LRRC7: variants seen among roughly 807,000 people sequenced by gnomAD.
The protein encoded by LRRC7 is leucine rich repeat containing 7.
In LRRC7, 23 loss-of-function variants were observed where a neutral mutation model predicts 175.7. The ratio of observed to expected loss-of-function variants is 0.13; its 90% CI spans 0.09 to 0.19. LRRC7 has a LOEUF of 0.19. LRRC7 is among the 10% of genes least tolerant of loss of function. LRRC7 has a pLI of 1.00. For synonymous variants in LRRC7, 685 were observed against 680.9 expected (o/e 1.01, Z -0.09); for missense variants, 1,354 against 1,904.7 (o/e 0.71, Z 5.38).
intron 24 of LRRC7, among the ~76,000 whole-genome samples, chr1:70,086,705 C>T (rs1036817641): frequency 6.6e-6 from 1 of 151,996 alleles, no homozygotes; most frequent in African/African-American, 2.4e-5. Flanking sequence ...CGCCACTGCA[C>T]TCCAGCCTGA....
chr1:69,651,290 T>G (rs1343718525), intron 1 of LRRC7, among the ~76,000 whole-genome samples: 1 of 148,866 alleles, frequency 6.7e-6, no homozygotes, highest in Non-Finnish European at 1.5e-5. Context: ...ATGGTACTGA[T>G]TAGAAAAAAA....
chr1:69,814,033 A>G (rs1678284830), intron 4 of LRRC7, among the ~76,000 whole-genome samples: 1 of 152,152 alleles, frequency 6.6e-6, no homozygotes, highest in Non-Finnish European at 1.5e-5. Flanking sequence ...ATAAGTAAAT[A>G]TATGTACATA....
chr1:69,979,992 C>T (rs1210847007), intron 8 of LRRC7, among the ~76,000 whole-genome samples: 1 of 151,960 alleles, frequency 6.6e-6, no homozygotes, highest in African/African-American at 2.4e-5. Context: ...TGGTAAGCAA[C>T]AGGGATGTGA....
chr1:69,644,995 C>CA (rs943274011), intron 1 of LRRC7, among the ~76,000 whole-genome samples: 34 of 152,048 alleles, frequency 2.2e-4, no homozygotes, highest in African/African-American at 7.9e-4. Context: ...AGAGTACCTA[C>CA]AAAAATCTAT....
At chr1:69,885,099 C>A (rs1470568597) in intron 7 of LRRC7, among the ~76,000 whole-genome samples, 1 of 96,934 alleles carries the variant, frequency 1.0e-5, no homozygotes, top group Admixed American at 1.1e-4. Context: ...TGTCTCTGCC[C>A]GGCTTTGGTA....
At chr1:70,006,880 A>G (rs915986808) in intron 11 of LRRC7, among the ~76,000 whole-genome samples, 2 of 152,228 alleles carry the variant, frequency 1.3e-5, no homozygotes, top group African/African-American at 2.4e-5. Context: ...TACAAGGGAT[A>G]CAAATGAGCA....
At chr1:70,066,640 T>G (rs1014748292) in intron 23 of LRRC7, among the ~76,000 whole-genome samples, 13 of 152,056 alleles carry the variant, frequency 8.5e-5, no homozygotes, top group African/African-American at 2.7e-4. Context: ...TGGAAGGATA[T>G]CTGGGTTATT....
chr1:69,694,577 T>A (rs891274166), intron 2 of LRRC7, among the ~76,000 whole-genome samples: 1 of 152,186 alleles, frequency 6.6e-6, no homozygotes, highest in Non-Finnish European at 1.5e-5. Context: ...AATTTCATGT[T>A]GAAATCTGAC....
chr1:69,794,564 A>G (rs1018056112), intron 4 of LRRC7, among the ~76,000 whole-genome samples: 2 of 152,210 alleles, frequency 1.3e-5, no homozygotes, highest in Admixed American at 1.3e-4. Context: ...ATTTATATAC[A>G]TTCACACTTC....
chr1:69,708,847 A>G (rs1221262455), intron 2 of LRRC7, among the ~76,000 whole-genome samples: 1 of 152,218 alleles, frequency 6.6e-6, no homozygotes, highest in Non-Finnish European at 1.5e-5. Context: ...GTGAGCAGAA[A>G]CACACAAGAC....
At chr1:69,705,525 G>A (rs1002795778) in intron 2 of LRRC7, among the ~76,000 whole-genome samples, 4 of 152,108 alleles carry the variant, frequency 2.6e-5, no homozygotes, top group Non-Finnish European at 4.4e-5. Context: ...ACAGATGAGG[G>A]TTATCTTCAG....
At chr1:69,761,947 G>C (rs772819442) in intron 3 of LRRC7, among the ~76,000 whole-genome samples, 9 of 151,746 alleles carry the variant, frequency 5.9e-5, no homozygotes, top group Admixed American at 4.6e-4. Flanking sequence ...GGGGGGTGGC[G>C]GGTTTCTAGG....
intron 2 of LRRC7, among the ~76,000 whole-genome samples, chr1:69,753,367 T>A (rs545485055): frequency 6.6e-6 from 1 of 151,800 alleles, no homozygotes; most frequent in Admixed American, 6.6e-5. Context: ...GATTCTTATA[T>A]GCTGATCTAT....
At chr1:69,593,669 A>T (rs1646726718) in intron 1 of LRRC7, among the ~76,000 whole-genome samples, 1 of 152,186 alleles carries the variant, frequency 6.6e-6, no homozygotes, top group South Asian at 2.1e-4. Context: ...TTCATTTCTC[A>T]TTCAGTATTC....
chr1:70,099,590 A>G (rs1664668672), intron 25 of LRRC7, among the ~76,000 whole-genome samples: 1 of 152,212 alleles, frequency 6.6e-6, no homozygotes, highest in South Asian at 2.1e-4. Flanking sequence ...TCAATTTGTG[A>G]TTTTAAAATA....
At chr1:70,035,364 G>A (rs1036320887) in intron 18 of LRRC7, among the ~76,000 whole-genome samples, 8 of 151,942 alleles carry the variant, frequency 5.3e-5, no homozygotes, top group African/African-American at 1.7e-4. Context: ...AAAATCTTGG[G>A]TTTTCTACAT....
chr1:69,907,111 A>C (rs868328019), intron 7 of LRRC7, among the ~76,000 whole-genome samples: 5 of 151,826 alleles, frequency 3.3e-5, no homozygotes, highest in African/African-American at 1.2e-4. Flanking sequence ...CATTGATTTT[A>C]TATCCTGAGA....
chr1:69,761,617 G>C (rs888997918), intron 3 of LRRC7, among the ~76,000 whole-genome samples: 1 of 151,872 alleles, frequency 6.6e-6, no homozygotes, highest in African/African-American at 2.4e-5. Context: ...TTAGAGGTAG[G>C]TCAGGCCTAT....
intron 2 of LRRC7, among the ~76,000 whole-genome samples, chr1:69,685,031 C>T (rs1660960500): frequency 6.6e-6 from 1 of 152,132 alleles, no homozygotes; most frequent in African/African-American, 2.4e-5. Flanking sequence ...TCTGTGCCTT[C>T]CCAGAGGTTT....
Sources: gnomAD v4.1 joint callset for allele counts (sites outside exome capture counted in the v4.1 genomes callset) on GRCh38, gnomAD v4.1.1 for gene constraint, MANE v1.5 for transcripts, NCBI Gene and HGNC (gene_info 2026-07-23, HGNC 2026-07-21) for gene names.